ANKRD36: variants seen among roughly 807,000 people sequenced by gnomAD.
ANKRD36 encodes ankyrin repeat domain-containing protein 36A.
A neutral mutation model predicts 278.1 loss-of-function variants in ANKRD36; 179 were observed. The ratio of observed to expected loss-of-function variants is 0.64; its 90% CI spans 0.57 to 0.73. The LOEUF (loss-of-function observed/expected upper bound fraction) is 0.73, where lower values mean the gene tolerates loss of function less well. Ranked by LOEUF, ANKRD36 falls within the 30% of genes least tolerant of loss-of-function variation. The probability of loss-of-function intolerance (pLI) is 0.00; values close to 1 mark genes in which losing one functional copy is unlikely to be tolerated. For synonymous variants in ANKRD36, 320 were observed against 641.1 expected (o/e 0.50, Z 7.57); for missense variants, 1,159 against 1,956.7 (o/e 0.59, Z 7.69).
chr2:97,143,363 A>G (rs2043401962), intron 8 of ANKRD36, among the ~76,000 whole-genome samples: 1 of 152,092 alleles, frequency 6.6e-6, no homozygotes, highest in Non-Finnish European at 1.5e-5. Flanking sequence ...CAGAAACCTG[A>G]TGGGACTCAC....
At chr2:97,204,509 C>T (rs1413754017) in intron 50 of ANKRD36, among the ~76,000 whole-genome samples, 1 of 151,398 alleles carries the variant, frequency 6.6e-6, no homozygotes, top group African/African-American at 2.4e-5. Flanking sequence ...CAGTTCAAGG[C>T]ATAAGGGGCT....
chr2:97,261,010 G>A (rs1403709119), intron 75 of ANKRD36, among the ~76,000 whole-genome samples: 1 of 128,794 alleles, frequency 7.8e-6, no homozygotes, highest in Non-Finnish European at 1.5e-5. Context: ...CTTTGGCTTA[G>A]CGAAATGTTG....
rs72947010 is a variant in ANKRD36 at position 97,185,648 on chromosome 2, G to A, written c.2041+138G>A. 10 of 1,129,146 alleles carry A rather than the reference G, an allele frequency of 8.9e-6. No individual in the cohort carries two copies. The Admixed American group carries it at 2.2e-4, about 25-fold the overall frequency. 69.9% of individuals were successfully genotyped at this position (1,129,146 alleles called of 1,614,324 possible). ...GCCCGAGATTCTTCATTTGTAATAA[G>A]TTCTCGGGTGATGCTGATGCTGCTG... On this transcript the variant is annotated intron_variant, in intron 30 of 75. Transcript: ENST00000420699.
intron 58 of ANKRD36, among the ~76,000 whole-genome samples, chr2:97,212,297 C>T (rs2064876294): frequency 6.6e-6 from 1 of 151,880 alleles, no homozygotes; most frequent in Non-Finnish European, 1.5e-5. Flanking sequence ...ACATTTGGAA[C>T]ATTTGCATAA....
chr2:97,185,512 T>C lies in ANKRD36; in HGVS notation c.2041+2T>C, dbSNP rs1260939008. On this transcript the variant is annotated splice_donor_variant, in intron 30 of 75. Coordinates refer to ENST00000420699, the MANE Select transcript of ANKRD36 (RefSeq NM_001354587.1). LOFTEE classifies it high-confidence loss of function. Reference sequence around the variant, plus strand: ...AGGATGGACTACAGTGTGGGACAGGTAATTTTGCAAAACACATTTAATGTC... The same window carrying C: ...AGGATGGACTACAGTGTGGGACAGGCAATTTTGCAAAACACATTTAATGTC... 3.7e-6 allele frequency: 6 copies of C among 1,609,978 alleles called. No homozygotes were observed. In the Admixed American group the frequency reaches 6.7e-5, roughly 18 times the overall value.
At chr2:97,230,623 C>T (rs1251817163) in intron 67 of ANKRD36, among the ~76,000 whole-genome samples, 1 of 152,042 alleles carries the variant, frequency 6.6e-6, no homozygotes, top group East Asian at 2.0e-4. Context: ...TCGTCTGAAG[C>T]CTTCTTCTCT....
At chr2:97,201,138 C>T (rs1170509163) in intron 46 of ANKRD36, among the ~76,000 whole-genome samples, 2 of 151,896 alleles carry the variant, frequency 1.3e-5, no homozygotes, top group African/African-American at 2.4e-5. Context: ...AAGCAGGAAA[C>T]AGTGTTTGAA....
At chr2:97,198,018 T>G (rs1006517956) in intron 42 of ANKRD36, among the ~76,000 whole-genome samples, 1 of 151,912 alleles carries the variant, frequency 6.6e-6, no homozygotes, top group Non-Finnish European at 1.5e-5. Flanking sequence ...GCCTTCTCAG[T>G]TATTGGGCAA....
chr2:97,247,896 C>CT (rs2075471677), intron 72 of ANKRD36: 1 of 119,394 alleles, frequency 8.4e-6, no homozygotes. Context: ...AATATTTAAC[C>CT]TTAGGAAAGT....
At chr2:97,203,573 T>C (rs1456902978) in intron 48 of ANKRD36, among the ~76,000 whole-genome samples, 2 of 151,840 alleles carry the variant, frequency 1.3e-5, no homozygotes, top group East Asian at 1.9e-4. Context: ...ACTGAAGAGA[T>C]GTGAAGTGTA....
At chr2:97,217,717 G>T (rs575160999) in intron 64 of ANKRD36, among the ~76,000 whole-genome samples, 1 of 152,056 alleles carries the variant, frequency 6.6e-6, no homozygotes, top group African/African-American at 2.4e-5. Context: ...AAAAGTAATA[G>T]AAATTATAGA....
Position 97,206,057 on chromosome 2 carries a change from A to T in ANKRD36, c.3091-6A>T, listed in dbSNP as rs1461109440. ...TATTTATTATTTTGTTTCAAATTCCATTCAGGCTACAAGTGATGAGGAAGA... is the reference window on the plus strand; with the variant it reads ...TATTTATTATTTTGTTTCAAATTCCTTTCAGGCTACAAGTGATGAGGAAGA... On this transcript the variant is annotated splice_polypyrimidine_tract_variant and splice_region_variant and intron_variant, in intron 51 of 75. Coordinates refer to ENST00000420699, the MANE Select transcript of ANKRD36 (RefSeq NM_001354587.1). 1.3e-6 allele frequency: 2 copies of T among 1,549,950 alleles called. No homozygotes were observed. Among genetic ancestry groups the T allele is most frequent in the Non-Finnish European group, 1.7e-6 (2 of 1,149,150 alleles).
Position 97,175,412 on chromosome 2 carries a change from G to A in ANKRD36, c.1634-4326G>A, listed in dbSNP as rs542828110. ...CTTCTAGATTTTCTAGTTTATTTGC[G>A]TAGAGGTGTTTGTAGTATTCTCTGA... On this transcript the variant is annotated intron_variant, in intron 22 of 75. Transcript: ENST00000420699. Among the ~76,000 whole-genome samples, 36 of 151,842 alleles carry A rather than the reference G, an allele frequency of 2.4e-4. 2 individuals carry two copies. The East Asian group carries it at 4.5e-3, about 19-fold the overall frequency.
At chr2:97,121,004 C>G (rs2036650641) in intron 3 of ANKRD36, among the ~76,000 whole-genome samples, 2 of 152,060 alleles carry the variant, frequency 1.3e-5, no homozygotes, top group East Asian at 3.9e-4. Context: ...CTGTGCCTAC[C>G]TAGGTACTTC....
chr2:97,201,214 T>C (rs1232981604), intron 46 of ANKRD36, among the ~76,000 whole-genome samples: 1 of 151,916 alleles, frequency 6.6e-6, no homozygotes, highest in Admixed American at 6.6e-5. Context: ...GATACATCTT[T>C]TGTTGATTTT....
chr2:97,133,827 A>G (rs2040784693), intron 6 of ANKRD36, among the ~76,000 whole-genome samples: 5 of 152,014 alleles, frequency 3.3e-5, no homozygotes, highest in Admixed American at 3.3e-4. Flanking sequence ...TTTTTCATAT[A>G]CGCCATCCCC....
intron 6 of ANKRD36, among the ~76,000 whole-genome samples, chr2:97,140,014 ATGTGTGTGTGTGTT>A (rs947114601): frequency 4.2e-4 from 64 of 151,704 alleles, no homozygotes; most frequent in African/African-American, 1.4e-3. Context: ...TTGTGTGTGA[ATGTGTGTGTGTGTT>A]TGTGTGTGTG....
At chr2:97,224,436 G>A (rs1157434548) in intron 66 of ANKRD36, among the ~76,000 whole-genome samples, 37 of 142,550 alleles carry the variant, frequency 2.6e-4, no homozygotes, top group Middle Eastern at 7.4e-3. Context: ...CTATCGTTTT[G>A]TTTTTTTGTT....
chr2:97,226,391 T>C (rs1421836279), intron 67 of ANKRD36, among the ~76,000 whole-genome samples: 4 of 151,660 alleles, frequency 2.6e-5, no homozygotes, highest in East Asian at 2.0e-4. Context: ...GTGAGCATTT[T>C]TTCATGTGTT....
Sources: allele counts gnomAD v4.1 joint callset (sites outside exome capture counted in the v4.1 genomes callset), GRCh38; gene constraint gnomAD v4.1.1; transcripts MANE v1.5; gene names NCBI Gene and HGNC (gene_info 2026-07-23, HGNC 2026-07-21).